Variants in ACSL4 observed in about 807,000 individuals in gnomAD.
The protein encoded by ACSL4 is long-chain-fatty-acid--CoA ligase 4.
ACSL4 carries 9 observed loss-of-function variants against 49.1 expected under a neutral mutation model. The ratio of observed to expected loss-of-function variants is 0.18; its 90% CI spans 0.11 to 0.32. ACSL4 has a LOEUF of 0.32. Ranked by LOEUF, ACSL4 falls within the 10% of genes least tolerant of loss-of-function variation. ACSL4 has a pLI of 1.00. For synonymous variants in ACSL4, 191 were observed against 170.3 expected, an observed-to-expected ratio of 1.12 and a Z score of -0.95; for missense variants, 333 against 493.7, an observed-to-expected ratio of 0.67 and a Z score of 3.08.
chrX:109,704,630 G>A (rs1926215843), intron 1 of ACSL4, among the ~76,000 whole-genome samples: 1 of 111,710 alleles, frequency 9.0e-6, no homozygotes, highest in African/African-American at 3.3e-5. Context: ...GGCAAACCTG[G>A]AGGACACTAT....
At chrX:109,660,328 T>C (rs1433955769) in intron 14 of ACSL4, among the ~76,000 whole-genome samples, 4 of 111,664 alleles carry the variant, frequency 3.6e-5, no homozygotes, top group Non-Finnish European at 7.5e-5. Context: ...CCAACAATCA[T>C]AGGAAAAGGT....
At chrX:109,645,283 T>G (rs974914901) in intron 15 of ACSL4, among the ~76,000 whole-genome samples, 4 of 112,359 alleles carry the variant, frequency 3.6e-5, no homozygotes, top group African/African-American at 1.3e-4. Context: ...TCTGACAGCT[T>G]TGAAGAGATC....
intron 11 of ACSL4, among the ~76,000 whole-genome samples, chrX:109,667,255 T>C (rs1208382498): frequency 1.8e-5 from 2 of 112,580 alleles, no homozygotes; most frequent in Non-Finnish European, 3.8e-5. Context: ...CCAGGGGATA[T>C]CTGGCAATGT....
At chrX:109,676,161 C>T (rs779193648) in intron 8 of ACSL4, among the ~76,000 whole-genome samples, 1 of 109,000 alleles carries the variant, frequency 9.2e-6, no homozygotes, top group African/African-American at 3.4e-5. Flanking sequence ...CTAATCTAGA[C>T]GGTGATGATC....
At chrX:109,650,666 C>G (rs1934980744) in intron 15 of ACSL4, among the ~76,000 whole-genome samples, 1 of 111,556 alleles carries the variant, frequency 9.0e-6, no homozygotes. Flanking sequence ...TACCCTAAAA[C>G]TTAAAGTATA....
Position 109,643,919 on chromosome X carries a change from C to T in ACSL4, c.*110G>A. 1.1e-6 allele frequency: 1 copy of T among 921,258 alleles called. No homozygotes were observed. 75.9% of individuals were successfully genotyped at this position (921,258 alleles called of 1,213,427 possible). On this transcript the variant is annotated 3_prime_UTR_variant, in exon 16 of 16. Coordinates refer to ENST00000672401, the MANE Select transcript of ACSL4 (RefSeq NM_001318510.2). Reference sequence around the variant, plus strand: ...TGGTTTTGTTTTCTTTTTACTCTATCTTTAGAATGATATACCTTACATTCT... The same window carrying T: ...TGGTTTTGTTTTCTTTTTACTCTATTTTTAGAATGATATACCTTACATTCT...
chrX:109,668,068 A>T, intron 11 of ACSL4, 33 bp downstream of exon 11: 1 of 1,101,868 alleles, frequency 9.1e-7, no homozygotes. Flanking sequence ...GTAGCAGCTG[A>T]TACAGAATAT....
rs1323439757 is a variant in ACSL4, at chrX:109,694,798, A to G, written c.-13+1346T>C. Among the ~76,000 whole-genome samples, 3 of 111,743 alleles carry G rather than the reference A, an allele frequency of 2.7e-5. No homozygotes were observed. The Admixed American group carries it at 2.8e-4, about 11-fold the overall frequency. On this transcript the variant is annotated intron_variant, in intron 2 of 15. Transcript: ENST00000672401. ...GTCTAAAAATCAACAATCGGGGACTATAGGACTAGGTAAATTTCAAAGTCC... is the reference window on the plus strand; with the variant it reads ...GTCTAAAAATCAACAATCGGGGACTGTAGGACTAGGTAAATTTCAAAGTCC...
rs1265069988 is a variant in ACSL4 at position 109,690,758 on chromosome X, A to G, written c.-13+5386T>C. ...TCTGTCCTACATCCTAAGACATTTT[A>G]GGGGGGGGGGGCCTCTATAGATGTC... On this transcript the variant is annotated intron_variant, in intron 2 of 15. Coordinates refer to ENST00000672401, the MANE Select transcript of ACSL4 (RefSeq NM_001318510.2). Among the ~76,000 whole-genome samples the G allele has an allele frequency of 2.5e-3, 181 of 73,252 alleles. 2 individuals carry two copies. The highest frequency in any genetic ancestry group is 7.7e-3 in the African/African-American group (154 of 20,085). 63.6% of individuals were successfully genotyped at this position (73,252 alleles called of 115,157 possible).
intron 1 of ACSL4, among the ~76,000 whole-genome samples, chrX:109,731,395 T>C (rs968413590): frequency 4.5e-5 from 5 of 110,325 alleles, no homozygotes; most frequent in African/African-American, 1.3e-4. Flanking sequence ...TGAAGTGACT[T>C]GTTCAAGGTT....
At chrX:109,645,498 C>A (rs1278646282) in intron 15 of ACSL4, among the ~76,000 whole-genome samples, 24 of 111,960 alleles carry the variant, frequency 2.1e-4, no homozygotes, top group African/African-American at 7.8e-4. Context: ...ACAGAAAGGA[C>A]ATCCACACCA....
At chrX:109,677,850 C>T in intron 8 of ACSL4, 138 bp downstream of exon 8, 1 of 787,105 alleles carries the variant, frequency 1.3e-6, no homozygotes, top group South Asian at 2.2e-5. Flanking sequence ...CCTATAGCTA[C>T]ATATTGTTCA....
chrX:109,690,585 G>GT (rs1262524228), intron 2 of ACSL4, among the ~76,000 whole-genome samples: 1 of 111,456 alleles, frequency 9.0e-6, no homozygotes, highest in Non-Finnish European at 1.9e-5. Context: ...GCACAGCTGA[G>GT]TAGAGATTCG....
chrX:109,707,493 C>T (rs1461702675), intron 1 of ACSL4, among the ~76,000 whole-genome samples: 1 of 111,920 alleles, frequency 8.9e-6, no homozygotes, highest in Non-Finnish European at 1.9e-5. Context: ...AGCCACAGTT[C>T]TCAAACTTTC....
chrX:109,681,466 T>TA, intron 4 of ACSL4, 91 bp from the exon 5 acceptor site: 1 of 625,443 alleles, frequency 1.6e-6, no homozygotes, highest in Non-Finnish European at 2.6e-6. Context: ...TAGTTACACT[T>TA]AGAGACACAA....
intron 1 of ACSL4, among the ~76,000 whole-genome samples, chrX:109,716,611 T>A (rs1927137972): frequency 8.9e-6 from 1 of 112,458 alleles, no homozygotes. Flanking sequence ...TGGAATGGGT[T>A]AGTTCCACTG....
intron 14 of ACSL4, 39 bp downstream of exon 14, chrX:109,661,492 T>C (rs1922171596): frequency 1.0e-6 from 1 of 984,519 alleles, no homozygotes; most frequent in Non-Finnish European, 1.5e-6. Context: ...TAAATATCTT[T>C]TGACTTACGA....
chrX:109,697,735 C>T (rs1925561091), intron 1 of ACSL4, among the ~76,000 whole-genome samples: 1 of 103,295 alleles, frequency 9.7e-6, no homozygotes, highest in Non-Finnish European at 2.0e-5. Context: ...GGGGAACTTG[C>T]ATATAGATAT....
At chrX:109,728,849 G>T (rs187205314) in intron 1 of ACSL4, among the ~76,000 whole-genome samples, 26 of 111,759 alleles carry the variant, frequency 2.3e-4, no homozygotes, top group African/African-American at 8.5e-4. Flanking sequence ...CCTGTGAAGA[G>T]GTTGGAAAGA....
Sources: allele counts gnomAD v4.1 joint callset (sites outside exome capture counted in the v4.1 genomes callset), GRCh38; gene constraint gnomAD v4.1.1; transcripts MANE v1.5; gene names NCBI Gene and HGNC (gene_info 2026-07-23, HGNC 2026-07-21).